Variants in DCDC2C observed in about 807,000 individuals in gnomAD.
The protein encoded by DCDC2C is doublecortin domain-containing protein 2C.
In DCDC2C, 44 loss-of-function variants were observed where a neutral mutation model predicts 45.0. The ratio of observed to expected loss-of-function variants is 0.98; its 90% CI spans 0.77 to 1.26. DCDC2C has a LOEUF of 1.26. Among genes scored for constraint, DCDC2C ranks in the 50% most tolerant of loss-of-function variants. The pLI, the probability that DCDC2C is intolerant of heterozygous loss-of-function variation, is 0.00. For missense variants in DCDC2C, 447 were observed against 468.9 expected (o/e 0.95, Z 0.43); for synonymous variants, 187 against 178.8 (o/e 1.05, Z -0.37).
intron 9 of DCDC2C, among the ~76,000 whole-genome samples, chr2:3,780,440 G>C (rs1670479137): frequency 6.6e-6 from 1 of 152,178 alleles, no homozygotes; most frequent in African/African-American, 2.4e-5. Flanking sequence ...ATGCGTATTA[G>C]TGACTTGATA....
intron 10 of DCDC2C, among the ~76,000 whole-genome samples, chr2:3,834,291 A>G (rs1400912211): frequency 6.6e-6 from 1 of 152,090 alleles, no homozygotes; most frequent in Non-Finnish European, 1.5e-5. Flanking sequence ...TGCATTCCCC[A>G]TTATAGTGTT....
intron 2 of DCDC2C, among the ~76,000 whole-genome samples, chr2:3,725,620 C>CAGAGAGGGAGGAG (rs1668638982): frequency 2.8e-5 from 3 of 106,608 alleles, no homozygotes; most frequent in African/African-American, 7.2e-5. Context: ...GGAGGGAGAC[C>CAGAGAGGGAGGAG]GCCAGAGTGA....
intron 3 of DCDC2C, among the ~76,000 whole-genome samples, chr2:3,731,270 A>G (rs1007805169): frequency 2.6e-5 from 4 of 152,236 alleles, no homozygotes; most frequent in East Asian, 1.9e-4. Flanking sequence ...CCATCCACTA[A>G]TGCTTGGTCC....
In DCDC2C at chr2:3,750,089, C is replaced by T. The variant is rs140002718; in HGVS notation, c.546-2674C>T. 9.1e-3 allele frequency among the ~76,000 whole-genome samples: 1,375 copies of T among 151,878 alleles called. 25 individuals carry two copies. Among genetic ancestry groups the T allele is most frequent in the African/African-American group, 0.032 (1,325 of 41,380 alleles). On this transcript the variant is annotated intron_variant, in intron 4 of 10. Coordinates refer to ENST00000399143, the MANE Select transcript of DCDC2C (RefSeq NM_001287444.2). ...CATTCTGCTCGGCACCCAGAATCCC[C>T]GGATCCACGCTGGACACTGCACACA...
rs1366339624 is a variant in DCDC2C, at chr2:3,761,420, C to A, written c.727-6334C>A. On this transcript the variant is annotated intron_variant, in intron 6 of 10. Transcript: ENST00000399143. The surrounding 1 kb of genome is among the most constrained non-coding windows in gnomAD (Gnocchi z 4.3). ...GTGTGCGTGAAAACAGTTGCAGAGG[C>A]ATGTGCATACCAGACTGAGACCCAC... is the stretch of plus-strand genomic sequence containing the variant. Among the ~76,000 whole-genome samples the A allele has an allele frequency of 1.3e-5, 2 of 152,106 alleles. No homozygotes were observed. The highest frequency in any genetic ancestry group is 4.8e-5 in the African/African-American group (2 of 41,400).
At position 3,703,954 on chromosome 2, in the gene DCDC2C, G is replaced by A. The variant is rs954022510; in HGVS notation, c.203G>A (p.Arg68His). The A allele has an allele frequency of 1.4e-5, 18 of 1,316,918 alleles. No individual in the cohort carries two copies. In the Admixed American group the frequency reaches 5.9e-4, roughly 43 times the overall value. 81.6% of individuals were successfully genotyped at this position (1,316,918 alleles called of 1,614,324 possible). ...FGVRRLFTPTRGHRVLGLDAL... is the reference protein window; with the variant it reads ...FGVRRLFTPTHGHRVLGLDAL... ...GTGCGCCGCCTCTTCACGCCCACGC[G>A]TGGGCACCGGGTGCTGGGGCTGGAC... Residue 68 changes from arginine to histidine, a missense_variant, in exon 1 of 11, where the codon CGT (arginine) becomes CAT (histidine). Coordinates refer to ENST00000399143, the MANE Select transcript of DCDC2C (RefSeq NM_001287444.2). The surrounding 1 kb of genome is among the most constrained non-coding windows in gnomAD (Gnocchi z 4.4).
intron 7 of DCDC2C, 75 bp downstream of exon 7, chr2:3,767,955 C>A: frequency 2.4e-6 from 2 of 816,900 alleles, no homozygotes; most frequent in South Asian, 2.2e-5. Context: ...TTTTTTTTTT[C>A]AGAGAAATCT....
At chr2:3,706,776 G>C (rs72769398) in intron 1 of DCDC2C, among the ~76,000 whole-genome samples, 6,311 of 152,316 alleles carry the variant, frequency 0.041, 176 homozygotes, top group East Asian at 0.1. Context: ...GAGGAAAAGT[G>C]GGTGGAGAGG....
intron 10 of DCDC2C, among the ~76,000 whole-genome samples, chr2:3,786,710 C>T (rs1022001226): frequency 6.6e-6 from 1 of 151,390 alleles, no homozygotes; most frequent in African/African-American, 2.4e-5. Context: ...TGTGTCCCGC[C>T]TGTGCACGGA....
intron 2 of DCDC2C, among the ~76,000 whole-genome samples, 186 bp from the exon 3 acceptor site, chr2:3,726,817 C>T (rs1213871857): frequency 2.6e-5 from 4 of 152,284 alleles, no homozygotes; most frequent in Admixed American, 2.6e-4. Flanking sequence ...TTGCTGGCAT[C>T]TTCTCCTCCC....
At chr2:3,710,752 G>A (rs1572548885) in intron 2 of DCDC2C, among the ~76,000 whole-genome samples, 1 of 152,294 alleles carries the variant, frequency 6.6e-6, no homozygotes, top group East Asian at 1.9e-4. Flanking sequence ...TTCTGTTCCT[G>A]CGTTAATTCA....
intron 6 of DCDC2C, among the ~76,000 whole-genome samples, chr2:3,755,377 A>G (rs1247099728): frequency 6.6e-6 from 1 of 152,050 alleles, no homozygotes; most frequent in South Asian, 2.1e-4. Flanking sequence ...GTATGGGTGC[A>G]TGTGTATGTA....
intron 7 of DCDC2C, chr2:3,769,044 T>G: frequency 2.7e-6 from 1 of 369,136 alleles, no homozygotes; most frequent in Non-Finnish European, 5.1e-6. Context: ...TTGCATGACT[T>G]TCAGGGTCCA....
At chr2:3,763,465 G>A (rs1669938723) in intron 6 of DCDC2C, among the ~76,000 whole-genome samples, 1 of 152,196 alleles carries the variant, frequency 6.6e-6, no homozygotes, top group South Asian at 2.1e-4. Context: ...GGTAACTGAA[G>A]GCTCCTTGCC....
rs571479025 is a variant in DCDC2C, at chr2:3,756,074, A to T, written c.726+1440A>T. Reference sequence around the variant, plus strand: ...CCTGTGTACCTATGTGTATGGATGCATATGTGTGTGTGTGTGTGTGTGCTG... The same window carrying T: ...CCTGTGTACCTATGTGTATGGATGCTTATGTGTGTGTGTGTGTGTGTGCTG... On this transcript the variant is annotated intron_variant, in intron 6 of 10. Transcript: ENST00000399143. Among the ~76,000 whole-genome samples, 161 of 151,712 alleles carry T rather than the reference A, an allele frequency of 1.1e-3. 1 individual carries two copies. The highest frequency in any genetic ancestry group is 6.8e-3 in the Middle Eastern group (2 of 294).
intron 10 of DCDC2C, among the ~76,000 whole-genome samples, chr2:3,794,168 A>G (rs1024650143): frequency 6.6e-6 from 1 of 152,280 alleles, no homozygotes; most frequent in East Asian, 1.9e-4. Flanking sequence ...GGTCATTTGG[A>G]AAATATTGGT....
At chr2:3,746,614 C>G (rs968321962) in intron 4 of DCDC2C, among the ~76,000 whole-genome samples, 29 of 152,224 alleles carry the variant, frequency 1.9e-4, no homozygotes, top group African/African-American at 6.3e-4. Flanking sequence ...AGTATATACT[C>G]TGCACCGTAC....
chr2:3,837,026 T>TAC (rs1405196352), intron 10 of DCDC2C, among the ~76,000 whole-genome samples: 1 of 152,176 alleles, frequency 6.6e-6, no homozygotes, highest in Non-Finnish European at 1.5e-5. Flanking sequence ...ACCTGCTGTC[T>TAC]ACAGAGCGGA....
intron 9 of DCDC2C, among the ~76,000 whole-genome samples, chr2:3,784,542 G>A (rs1670598285): frequency 6.6e-6 from 1 of 151,842 alleles, no homozygotes; most frequent in African/African-American, 2.4e-5. Flanking sequence ...CTTCCTCCAA[G>A]AGCATCCTAT....
Sources: gnomAD v4.1 joint callset for allele counts (sites outside exome capture counted in the v4.1 genomes callset) on GRCh38, gnomAD v4.1.1 for gene constraint, Gnocchi (gnomAD v3.1) non-coding constraint, MANE v1.5 for transcripts, NCBI Gene and HGNC (gene_info 2026-07-23, HGNC 2026-07-21) for gene names.